The following CAV2 variants were observed in gnomAD, a reference collection of about 807,000 sequenced individuals.
The protein encoded by CAV2 is caveolin 2, also known as caveolin-2.
Under a neutral mutation model 15.5 loss-of-function variants are expected in CAV2, and 7 were observed. The observed-to-expected ratio is 0.45, with a 90% CI of 0.26 to 0.85. CAV2 has a LOEUF of 0.85. CAV2 is among the 40% of genes least tolerant of loss of function. The pLI, the probability that CAV2 is intolerant of heterozygous loss-of-function variation, is 0.18. For missense variants in CAV2, 229 were observed against 208.8 expected (o/e 1.10, Z -0.60); for synonymous variants, 76 against 83.1 (o/e 0.91, Z 0.46).
rs774405320 is a variant in CAV2 at position 116,499,899 on chromosome 7, C to G, written c.118C>G (p.Arg40Gly). 1.2e-6 allele frequency: 2 copies of G among 1,612,042 alleles called. No individual in the cohort carries two copies. Among genetic ancestry groups the G allele is most frequent in the Admixed American group, 3.3e-5 (2 of 59,934 alleles). The change falls in exon 1 of 3, where the codon CGG becomes GGG. Residue 40 changes from arginine (R) to glycine (G), a missense_variant. Transcript: ENST00000222693. ...GAAGTTCGCGGACTCGGACCAGGAC[C>G]GGGATCCCCACCGGCTCAACTCGCA... is the stretch of plus-strand genomic sequence containing the variant. The part of the protein sequence containing the change: ...PEKFADSDQD[R>G]DPHRLNSHLK...
At chr7:116,505,074 A>G (rs559245080) in intron 2 of CAV2, among the ~76,000 whole-genome samples, 10 of 152,360 alleles carry the variant, frequency 6.6e-5, no homozygotes, top group African/African-American at 1.9e-4. Flanking sequence ...GAAATACAGC[A>G]TCTATTTATA....
Position 116,506,320 on chromosome 7 carries a change from T to C in CAV2, c.*199T>C. 2 of 542,712 alleles carry C rather than the reference T, an allele frequency of 3.7e-6. No individual in the cohort carries two copies. Among genetic ancestry groups the C allele is most frequent in the Non-Finnish European group, 6.4e-6 (2 of 311,684 alleles). 33.6% of individuals were successfully genotyped at this position (542,712 alleles called of 1,614,324 possible). A position where few individuals can be genotyped will look rare whatever the true frequency, so the allele number is the denominator to read the frequency against. ...AATTAATAGCCAAAGATTTCATATC[T>C]AACTTTGTAACCAGAATTATACAGT... On this transcript the variant is annotated 3_prime_UTR_variant, in exon 3 of 3. Coordinates refer to ENST00000222693, the MANE Select transcript of CAV2 (RefSeq NM_001233.5).
chr7:116,502,871 GT>G (rs1247457337), intron 2 of CAV2, among the ~76,000 whole-genome samples: 2 of 152,136 alleles, frequency 1.3e-5, no homozygotes, highest in Non-Finnish European at 2.9e-5. Flanking sequence ...GATAGCTGCT[GT>G]TTGTTAAGCA....
Position 116,506,299 on chromosome 7 carries a change from A to C in CAV2, c.*178A>C. On this transcript the variant is annotated 3_prime_UTR_variant, in exon 3 of 3. Coordinates refer to ENST00000222693, the MANE Select transcript of CAV2 (RefSeq NM_001233.5). Reference sequence around the variant, plus strand: ...CTTTTCAAATAATGCTTTTCTAATTAATAGCCAAAGATTTCATATCTAACT... The same window carrying C: ...CTTTTCAAATAATGCTTTTCTAATTCATAGCCAAAGATTTCATATCTAACT... 3.5e-6 allele frequency: 2 copies of C among 578,562 alleles called. No individual in the cohort carries two copies. The allele number at this position is 578,562 out of a possible 1,614,324, so 35.8% of individuals were successfully genotyped here.
At chr7:116,502,006 C>T (rs536008282) in intron 2 of CAV2, among the ~76,000 whole-genome samples, 3 of 152,126 alleles carry the variant, frequency 2.0e-5, no homozygotes, top group Non-Finnish European at 4.4e-5. Flanking sequence ...TAAAACTAAT[C>T]ATCTAACCTC....
Position 116,499,906 on chromosome 7 carries a change from C to G in CAV2, c.125C>G (p.Pro42Arg), listed in dbSNP as rs969042780. ...GCGGACTCGGACCAGGACCGGGATC[C>G]CCACCGGCTCAACTCGCATCTCAAG... ...KFADSDQDRD[P>R]HRLNSHLKLG... The change falls in exon 1 of 3, where the codon CCC becomes CGC. Residue 42 changes from proline (P) to arginine (R), a missense_variant. Coordinates refer to ENST00000222693, the MANE Select transcript of CAV2 (RefSeq NM_001233.5). The G allele has an allele frequency of 6.2e-7, 1 of 1,612,082 alleles. No individual in the cohort carries two copies. Among genetic ancestry groups the G allele is most frequent in the Admixed American group, 1.7e-5 (1 of 59,918 alleles).
Position 116,500,356 on chromosome 7 carries a change from G to A in CAV2, c.247G>A (p.Val83Ile). Residue 83 changes from valine (V) to isoleucine (I), a missense_variant, in exon 2 of 3, where the codon GTA becomes ATA. Transcript: ENST00000222693. ...TGCCCTCTTTGAAATCAGCAAATAC[G>A]TAATGTACAAGTTCCTGACGGTGTT... ...SHALFEISKY[V>I]MYKFLTVFLA... The A allele has an allele frequency of 1.2e-6, 2 of 1,614,180 alleles. No individual in the cohort carries two copies. Among genetic ancestry groups the A allele is most frequent in the Non-Finnish European group, 1.7e-6 (2 of 1,179,996 alleles).
intron 2 of CAV2, among the ~76,000 whole-genome samples, chr7:116,502,554 C>T (rs1416561073): frequency 2.0e-5 from 3 of 152,120 alleles, no homozygotes; most frequent in African/African-American, 4.8e-5. Flanking sequence ...AAGGACAGAC[C>T]TTACAGAATT....
chr7:116,504,780 T>C (rs1447253381), intron 2 of CAV2, among the ~76,000 whole-genome samples: 1 of 152,174 alleles, frequency 6.6e-6, no homozygotes, highest in African/African-American at 2.4e-5. Flanking sequence ...CTGAGGACTA[T>C]AAGGATATGC....
rs568949849 is a variant in CAV2 at position 116,508,366 on chromosome 7, T to C, written c.*2245T>C. On this transcript the variant is annotated 3_prime_UTR_variant, in exon 3 of 3. Transcript: ENST00000222693. ...CTTATTTCTGAACAGTACTGGTTAC[T>C]TTCAAAATGAATTTTTATTGAGATT... 4 of 152,334 alleles carry C rather than the reference T, an allele frequency of 2.6e-5. No homozygotes were observed. The South Asian group carries it at 8.3e-4, about 32-fold the overall frequency. The allele number at this position is 152,334 out of a possible 1,614,324, so 9.4% of individuals were successfully genotyped here.
intron 1 of CAV2, 31 bp from the exon 2 acceptor site, chr7:116,500,229 A>G (rs1793063794): frequency 6.3e-7 from 1 of 1,599,960 alleles, no homozygotes; most frequent in Non-Finnish European, 8.5e-7. Context: ...GTTGGCTGAC[A>G]GTTCGGGGTC....
chr7:116,500,554 C>T (rs888072961), intron 2 of CAV2, 107 bp downstream of exon 2: 21 of 1,091,002 alleles, frequency 1.9e-5, no homozygotes, highest in Non-Finnish European at 2.8e-5. Flanking sequence ...GGAGGAGGAA[C>T]GCGCATCAGT....
chr7:116,500,604 A>G (rs1433639806), intron 2 of CAV2, 157 bp downstream of exon 2: 1 of 644,570 alleles, frequency 1.6e-6, no homozygotes, highest in Non-Finnish European at 2.7e-6. Flanking sequence ...TTGAAAGGCA[A>G]TGCGCTTCCT....
intron 2 of CAV2, among the ~76,000 whole-genome samples, chr7:116,501,668 G>A (rs1399737884): frequency 2.6e-5 from 4 of 152,176 alleles, no homozygotes; most frequent in Admixed American, 6.5e-5. Context: ...AGAGATGGAC[G>A]CTGAGAAAAC....
In CAV2 at chr7:116,505,955, TCTTC is replaced by T. The variant is rs746052800; in HGVS notation, c.339-6_339-3del. 6.3e-7 allele frequency: 1 copy of T among 1,596,712 alleles called. No homozygotes were observed. The highest frequency in any genetic ancestry group is 1.1e-5 in the South Asian group (1 of 90,246). On this transcript the variant is annotated splice_polypyrimidine_tract_variant and intron_variant, in intron 2 of 2. Coordinates refer to ENST00000222693, the MANE Select transcript of CAV2 (RefSeq NM_001233.5). ...AACAGCAACAATCCTCACACATCTC[TCTTC>T]CTTCCTTCCAGGATTTTAATGCCTT...
chr7:116,504,628 C>T (rs1793188883), intron 2 of CAV2, among the ~76,000 whole-genome samples: 1 of 152,176 alleles, frequency 6.6e-6, no homozygotes, highest in Non-Finnish European at 1.5e-5. Flanking sequence ...TCAGCCTACT[C>T]CCTTATGCCC....
rs1793069883 is a variant in CAV2 at position 116,500,325 on chromosome 7, C to T, written c.216C>T (p.Cys72=). Residue 72 remains cysteine (C), a synonymous_variant, in exon 2 of 3, where the codon TGC becomes TGT. Transcript: ENST00000222693. ...TTHSFDKVWI[C]SHALFEISKY... is the part of the protein sequence containing the mutation. ...ACTCCTTTGACAAAGTGTGGATCTG[C>T]AGCCATGCCCTCTTTGAAATCAGCA... 2 of 1,613,984 alleles carry T rather than the reference C, an allele frequency of 1.2e-6. No individual in the cohort carries two copies. The highest frequency in any genetic ancestry group is 2.2e-5 in the East Asian group (1 of 44,850).
intron 2 of CAV2, among the ~76,000 whole-genome samples, chr7:116,503,663 T>C (rs1793152485): frequency 6.6e-6 from 1 of 152,014 alleles, no homozygotes; most frequent in South Asian, 2.1e-4. Flanking sequence ...ACTCTGTCTC[T>C]ACTAAAAATA....
intron 2 of CAV2, among the ~76,000 whole-genome samples, chr7:116,501,776 G>T (rs76633992): frequency 0.095 from 14,484 of 152,180 alleles, 795 homozygotes; most frequent in African/African-American, 0.14. Flanking sequence ...CACCAAATAC[G>T]TAAAGGATAC....
Sources: gnomAD v4.1 joint callset for allele counts (sites outside exome capture counted in the v4.1 genomes callset) on GRCh38, gnomAD v4.1.1 for gene constraint, MANE v1.5 for transcripts, NCBI Gene and HGNC (gene_info 2026-07-23, HGNC 2026-07-21) for gene names.